The following HADHB variants were observed in gnomAD, a reference collection of about 807,000 sequenced individuals.
HADHB encodes the protein hydroxyacyl-CoA dehydrogenase trifunctional multienzyme complex subunit beta.
In HADHB, 50 loss-of-function variants were observed where a neutral mutation model predicts 61.9. The ratio of observed to expected loss-of-function variants is 0.81; its 90% confidence interval spans 0.64 to 1.02. The LOEUF (loss-of-function observed/expected upper bound fraction) is 1.02, where lower values mean the gene tolerates loss of function less well. Among genes scored for constraint, HADHB ranks in the 50% least tolerant of loss-of-function variants. The pLI is 0.00. For missense variants in HADHB, 504 were observed against 586.5 expected, an observed-to-expected ratio of 0.86 and a Z score of 1.45; for synonymous variants, 191 against 201.6, an observed-to-expected ratio of 0.95 and a Z score of 0.45.
intron 3 of HADHB, among the ~76,000 whole-genome samples, chr2:26,261,829 C>T (rs1227791003): frequency 6.6e-6 from 1 of 151,510 alleles, no homozygotes; most frequent in Admixed American, 6.6e-5. Context: ...CACTTTGTTT[C>T]GGGTAGCTAG....
intron 9 of HADHB, among the ~76,000 whole-genome samples, chr2:26,279,625 A>AT (rs1228781972): frequency 6.6e-6 from 1 of 151,278 alleles, no homozygotes; most frequent in Non-Finnish European, 1.5e-5. Flanking sequence ...TTCATCTCTA[A>AT]TTAAAAAAAA....
intron 4 of HADHB, 122 bp downstream of exon 4, chr2:26,263,601 C>T (rs1671949454): frequency 4.1e-6 from 3 of 730,166 alleles, no homozygotes; most frequent in Non-Finnish European, 7.6e-6. Context: ...GATAGCAGTC[C>T]CATGAAATTA....
rs1288925190 is a variant in HADHB at position 26,279,119 on chromosome 2, A to G, written c.631-16A>G. The G allele has an allele frequency of 3.1e-6, 5 of 1,607,222 alleles. No homozygotes were observed. The highest frequency in any genetic ancestry group is 1.7e-4 in the Middle Eastern group (1 of 6,048). On this transcript the variant is annotated splice_polypyrimidine_tract_variant and intron_variant, in intron 8 of 15. Coordinates refer to ENST00000317799, the MANE Select transcript of HADHB (RefSeq NM_000183.3). ...GGTTAACAGTGTACCTGCTCCTTGG[A>G]TATCTCCTTTCCCAGCTCCCTGCGG...
intron 10 of HADHB, among the ~76,000 whole-genome samples, chr2:26,282,000 G>A (rs1276438110): frequency 6.6e-6 from 1 of 151,946 alleles, no homozygotes; most frequent in African/African-American, 2.4e-5. Context: ...GGGAAGAAAT[G>A]TATGGGGTGT....
intron 13 of HADHB, among the ~76,000 whole-genome samples, chr2:26,284,509 C>T (rs924204350): frequency 3.3e-5 from 5 of 151,074 alleles, no homozygotes; most frequent in Non-Finnish European, 7.4e-5. Flanking sequence ...GTTGCCCCAG[C>T]TGGAGTGTAG....
At chr2:26,265,594 T>TGAAAA (rs1672042495) in intron 4 of HADHB, among the ~76,000 whole-genome samples, 4 of 131,932 alleles carry the variant, frequency 3.0e-5, no homozygotes, top group African/African-American at 1.0e-4. Flanking sequence ...AAACTCCATC[T>TGAAAA]CAAAACAACA....
intron 15 of HADHB, among the ~76,000 whole-genome samples, chr2:26,289,132 C>T (rs913048812): frequency 6.6e-6 from 1 of 152,228 alleles, no homozygotes; most frequent in Admixed American, 6.5e-5. Context: ...CGCCTGTAGT[C>T]CCAGCTACTC....
At chr2:26,266,629 C>A (rs969072696) in intron 4 of HADHB, among the ~76,000 whole-genome samples, 2 of 151,624 alleles carry the variant, frequency 1.3e-5, no homozygotes, top group Non-Finnish European at 2.9e-5. Context: ...TCTGTAATCC[C>A]AGCACTTTGG....
At chr2:26,280,725 G>A (rs898169944) in intron 10 of HADHB, among the ~76,000 whole-genome samples, 1 of 151,948 alleles carries the variant, frequency 6.6e-6, no homozygotes, top group African/African-American at 2.4e-5. Flanking sequence ...GGTGGCACAT[G>A]CCTGTTAATC....
chr2:26,279,447 T>G (rs1215579345), intron 9 of HADHB, 132 bp downstream of exon 9: 1 of 711,906 alleles, frequency 1.4e-6, no homozygotes. Context: ...TTCTTAAATA[T>G]GGATGCAAAT....
chr2:26,269,149 T>TAA (rs35675939), intron 4 of HADHB, among the ~76,000 whole-genome samples: 16 of 132,090 alleles, frequency 1.2e-4, no homozygotes, highest in Admixed American at 2.3e-4. Flanking sequence ...ACCTCCGTCT[T>TAA]AAAAAAAAAA....
At chr2:26,272,408 C>T (rs1162920138) in intron 5 of HADHB, among the ~76,000 whole-genome samples, 7 of 149,136 alleles carry the variant, frequency 4.7e-5, no homozygotes, top group South Asian at 2.1e-4. Flanking sequence ...TGCAGTGGCA[C>T]GATCTCGGCT....
intron 5 of HADHB, among the ~76,000 whole-genome samples, chr2:26,272,742 C>A (rs1672396493): frequency 1.3e-5 from 2 of 152,240 alleles, no homozygotes; most frequent in Non-Finnish European, 2.9e-5. Flanking sequence ...TGGTATCAGT[C>A]ATTTCTTAAA....
intron 10 of HADHB, among the ~76,000 whole-genome samples, chr2:26,280,456 C>T (rs566949268): frequency 2.0e-5 from 3 of 152,272 alleles, no homozygotes; most frequent in African/African-American, 7.2e-5. Context: ...AGGTCGAACC[C>T]CTGACCCAGA....
At chr2:26,285,185 CTG>C (rs1672975043) in intron 14 of HADHB, among the ~76,000 whole-genome samples, 2 of 152,052 alleles carry the variant, frequency 1.3e-5, no homozygotes, top group South Asian at 4.1e-4. Flanking sequence ...AAATAAAATT[CTG>C]TGTTTTTTGT....
intron 1 of HADHB, among the ~76,000 whole-genome samples, chr2:26,253,585 G>C (rs1003232222): frequency 6.6e-6 from 1 of 152,094 alleles, no homozygotes; most frequent in African/African-American, 2.4e-5. Flanking sequence ...TGGTGCGGTA[G>C]CTCACGCCTG....
intron 6 of HADHB, 57 bp from the exon 7 acceptor site, chr2:26,277,016 C>A (rs1672554331): frequency 3.5e-6 from 3 of 857,386 alleles, no homozygotes; most frequent in Admixed American, 1.7e-5. Context: ...CTCAAAGCAT[C>A]ATTTACATGA....
chr2:26,257,527 T>C (rs1671677456), intron 3 of HADHB, among the ~76,000 whole-genome samples: 1 of 152,078 alleles, frequency 6.6e-6, no homozygotes, highest in Non-Finnish European at 1.5e-5. Context: ...GAAAAACCTC[T>C]GTCTCCTCTG....
chr2:26,248,668 T>G (rs1671257671), intron 1 of HADHB, among the ~76,000 whole-genome samples: 1 of 152,230 alleles, frequency 6.6e-6, no homozygotes, highest in African/African-American at 2.4e-5. Context: ...GTTAGATGCA[T>G]TCTTACTAGA....
Sources: allele counts gnomAD v4.1 joint callset (sites outside exome capture counted in the v4.1 genomes callset), GRCh38; gene constraint gnomAD v4.1.1; transcripts MANE v1.5; gene names NCBI Gene and HGNC (gene_info 2026-07-23, HGNC 2026-07-21).